The following INSL6 variants were observed in gnomAD, a reference collection of about 807,000 sequenced individuals.
INSL6 encodes insulin-like peptide INSL6.
Under a neutral mutation model 9.4 loss-of-function variants are expected in INSL6, and 16 were observed. The ratio of observed to expected loss-of-function variants is 1.70; its 90% CI spans 1.15 to 2.59. The LOEUF (loss-of-function observed/expected upper bound fraction) is 2.59, where lower values mean the gene tolerates loss of function less well. Among genes scored for constraint, INSL6 ranks in the 30% most tolerant of loss-of-function variants. The pLI is 0.00. For missense variants in INSL6, 391 were observed against 257.3 expected, an observed-to-expected ratio of 1.52 and a Z score of -3.56; for synonymous variants, 154 against 96.9, an observed-to-expected ratio of 1.59 and a Z score of -3.46.
At chr9:5,024,543 T>C in the INSL6 span, among the ~76,000 whole-genome samples, 1 of 152,076 alleles carries the variant, frequency 6.6e-6, no homozygotes, top group African/African-American at 2.4e-5. Flanking sequence ...TTCTAAGTTC[T>C]GTTCCTTGGG....
At chr9:5,121,198 T>A (rs74898935), downstream of INSL6, among the ~76,000 whole-genome samples, 743 of 152,264 alleles carry the variant, frequency 4.9e-3, 5 homozygotes, top group African/African-American at 0.016. Context: ...AACAATTTTA[T>A]GATTGAGTAA....
chr9:5,027,189 T>C, the INSL6 span, among the ~76,000 whole-genome samples: 6 of 152,202 alleles, frequency 3.9e-5, no homozygotes, highest in African/African-American at 1.2e-4. Flanking sequence ...TCAGCAGTTA[T>C]ATTTTAAAAT....
downstream of INSL6, among the ~76,000 whole-genome samples, chr9:5,163,645 G>C (rs10758674): frequency 0.01 from 1,545 of 151,942 alleles, 18 homozygotes; most frequent in African/African-American, 0.036. Flanking sequence ...AGTTTCAACC[G>C]TAATGACAAG....
chr9:5,120,107 C>T (rs548780051), downstream of INSL6, among the ~76,000 whole-genome samples: 2 of 152,216 alleles, frequency 1.3e-5, no homozygotes, highest in Non-Finnish European at 1.5e-5. Context: ...CAGGTTCAGG[C>T]GTCTGGTGAG....
intron 1 of INSL6, among the ~76,000 whole-genome samples, chr9:5,180,343 AT>A (rs1439664395): frequency 6.6e-6 from 1 of 152,138 alleles, no homozygotes; most frequent in African/African-American, 2.4e-5. Flanking sequence ...AATAACAGCA[AT>A]TTTTAGGGAA....
chr9:5,161,093 A>G (rs1178673552), downstream of INSL6, among the ~76,000 whole-genome samples: 4 of 152,264 alleles, frequency 2.6e-5, no homozygotes, highest in South Asian at 2.1e-4. Context: ...TATGAGACCA[A>G]TATTACTCTG....
chr9:5,127,102 C>A (rs997509639), intron 3 of INSL6: 4 of 265,864 alleles, frequency 1.5e-5, no homozygotes, highest in Non-Finnish European at 2.2e-5. Context: ...TTTTTGAGAC[C>A]TGAAAAAATT....
intron 2 of INSL6, among the ~76,000 whole-genome samples, chr9:5,155,945 A>G (rs1824807751): frequency 6.6e-6 from 1 of 152,192 alleles, no homozygotes; most frequent in Admixed American, 6.5e-5. Context: ...AAAGACCAAT[A>G]CATTTGTAAA....
At chr9:5,153,194 C>T (rs749121241) in intron 2 of INSL6, among the ~76,000 whole-genome samples, 1 of 151,968 alleles carries the variant, frequency 6.6e-6, no homozygotes, top group African/African-American at 2.4e-5. Context: ...GAGACAGAAC[C>T]GTTCACTCCC....
the INSL6 span, chr9:5,091,029 T>A: frequency 1.3e-6 from 1 of 785,710 alleles, no homozygotes; most frequent in Non-Finnish European, 2.0e-6. Flanking sequence ...TTAAGTCTTT[T>A]AAGTCTTACA....
At chr9:5,017,314 C>T in the INSL6 span, among the ~76,000 whole-genome samples, 1 of 152,118 alleles carries the variant, frequency 6.6e-6, no homozygotes, top group African/African-American at 2.4e-5. Flanking sequence ...AGACCCAAAA[C>T]AATGATGAGC....
chr9:5,027,021 T>C, the INSL6 span, among the ~76,000 whole-genome samples: 1 of 152,244 alleles, frequency 6.6e-6, no homozygotes. Flanking sequence ...ATTTGATACC[T>C]ATTAATTAAA....
At chr9:5,036,660 T>G in the INSL6 span, among the ~76,000 whole-genome samples, 1 of 152,214 alleles carries the variant, frequency 6.6e-6, no homozygotes, top group Non-Finnish European at 1.5e-5. Context: ...GCTAGCCATG[T>G]GTAGAAAGCT....
At chr9:5,120,141 G>A (rs1823503232), downstream of INSL6, among the ~76,000 whole-genome samples, 2 of 152,212 alleles carry the variant, frequency 1.3e-5, no homozygotes, top group South Asian at 4.1e-4. Flanking sequence ...TTTCCAAGAT[G>A]GAGCCTTGCT....
chr9:5,061,930 T>C, the INSL6 span, among the ~76,000 whole-genome samples: 6 of 152,202 alleles, frequency 3.9e-5, no homozygotes, highest in South Asian at 6.2e-4. Flanking sequence ...AATTTCATTA[T>C]TGTTGTGTCT....
intron 2 of INSL6, among the ~76,000 whole-genome samples, chr9:5,148,615 G>A (rs956815803): frequency 2.4e-4 from 37 of 152,176 alleles, no homozygotes; most frequent in Admixed American, 2.3e-3. Flanking sequence ...CCCCATACCA[G>A]CCTGCAAGCC....
At chr9:5,048,697 C>T in the INSL6 span, among the ~76,000 whole-genome samples, 1 of 151,960 alleles carries the variant, frequency 6.6e-6, no homozygotes, top group African/African-American at 2.4e-5. Flanking sequence ...ATGAAAATAT[C>T]TTCTATATTT....
At chr9:5,177,607 G>C (rs553825329) in intron 1 of INSL6, among the ~76,000 whole-genome samples, 1 of 152,228 alleles carries the variant, frequency 6.6e-6, no homozygotes, top group Admixed American at 6.5e-5. Flanking sequence ...AATCCAGGGA[G>C]CCAAGCAGTT....
the INSL6 span, among the ~76,000 whole-genome samples, chr9:5,038,915 A>G: frequency 6.6e-6 from 1 of 152,166 alleles, no homozygotes; most frequent in African/African-American, 2.4e-5. Flanking sequence ...CCACATGATC[A>G]TCCCAAGAGA....
Sources: allele counts gnomAD v4.1 joint callset (sites outside exome capture counted in the v4.1 genomes callset), GRCh38; gene constraint gnomAD v4.1.1; transcripts MANE v1.5; gene names NCBI Gene and HGNC (gene_info 2026-07-23, HGNC 2026-07-21).